TUBGCP6: variants seen among roughly 807,000 people sequenced by gnomAD.
TUBGCP6 encodes gamma-tubulin complex component 6.
A neutral mutation model predicts 175.8 loss-of-function variants in TUBGCP6; 161 were observed. The observed-to-expected ratio is 0.92, with a 90% CI of 0.81 to 1.04. TUBGCP6 has a LOEUF of 1.04. Among genes scored for constraint, TUBGCP6 ranks in the 50% least tolerant of loss-of-function variants. The pLI is 0.00. For missense variants in TUBGCP6, 2,572 were observed against 2,433.0 expected, an observed-to-expected ratio of 1.06 and a Z score of -1.20; for synonymous variants, 1,173 against 1,030.5, an observed-to-expected ratio of 1.14 and a Z score of -2.65.
chr22:50,222,234 G>T (rs534981615), intron 14 of TUBGCP6, 132 bp from the exon 15 acceptor site: 279 of 1,181,590 alleles, frequency 2.4e-4, no homozygotes, highest in Admixed American at 4.4e-4. Context: ...CTGGGCTCCA[G>T]TGGGACGCTG....
At chr22:50,233,289 C>A in intron 3 of TUBGCP6, 27 bp downstream of exon 3, 1 of 1,607,610 alleles carries the variant, frequency 6.2e-7, no homozygotes, top group Non-Finnish European at 8.5e-7. Context: ...CCCCACACCA[C>A]TGTGGCGGGG....
chr22:50,224,104 C>A lies in TUBGCP6; in HGVS notation c.2270+37G>T. 3 of 1,593,776 alleles carry A rather than the reference C, an allele frequency of 1.9e-6. No homozygotes were observed. The African/African-American group carries it at 4.0e-5, about 21-fold the overall frequency. The stretch of plus-strand genomic sequence containing the variant: ...AGCCAGAGCTATGGGGCCCCTGCCG[C>A]ACTGCACCCCTGGGCCTGGAGCCCG... On this transcript the variant is annotated intron_variant, in intron 13 of 24. Coordinates refer to ENST00000248846, the MANE Select transcript of TUBGCP6 (RefSeq NM_020461.4).
At chr22:50,241,244 G>C (rs2064835255) in intron 1 of TUBGCP6, among the ~76,000 whole-genome samples, 1 of 151,888 alleles carries the variant, frequency 6.6e-6, no homozygotes, top group Non-Finnish European at 1.5e-5. Context: ...CAGAAGACAA[G>C]AGTGTGAGCC....
At chr22:50,223,930 AACC>A (rs1185395099) in intron 13 of TUBGCP6, 4 of 580,870 alleles carry the variant, frequency 6.9e-6, no homozygotes, top group Admixed American at 6.0e-5. Context: ...AATCCATACA[AACC>A]ACCACAAGAC....
intron 10 of TUBGCP6, 47 bp downstream of exon 10, chr22:50,225,747 C>A: frequency 1.3e-6 from 2 of 1,574,098 alleles, no homozygotes; most frequent in Non-Finnish European, 1.7e-6. Context: ...CCCCAGGAAG[C>A]AGAGGCAGGG....
intron 1 of TUBGCP6, among the ~76,000 whole-genome samples, 155 bp downstream of exon 1, chr22:50,243,564 G>T (rs1325113270): frequency 7.5e-6 from 1 of 132,642 alleles, no homozygotes; most frequent in Non-Finnish European, 1.5e-5. Flanking sequence ...GTTAAGGTGA[G>T]CCAAGATCGC....
intron 1 of TUBGCP6, among the ~76,000 whole-genome samples, chr22:50,241,197 C>G (rs756920701): frequency 6.6e-6 from 1 of 152,156 alleles, no homozygotes; most frequent in Non-Finnish European, 1.5e-5. Context: ...CCAGGCCATA[C>G]AGAGACAGGA....
At chr22:50,242,058 C>T (rs1352244829) in intron 1 of TUBGCP6, among the ~76,000 whole-genome samples, 1 of 149,204 alleles carries the variant, frequency 6.7e-6, no homozygotes, top group African/African-American at 2.5e-5. Flanking sequence ...TTTGGGAGGC[C>T]GAGGCGGGCA....
chr22:50,225,695 C>T (rs886907144), intron 10 of TUBGCP6, 99 bp downstream of exon 10: 81 of 1,451,870 alleles, frequency 5.6e-5, no homozygotes, highest in Non-Finnish European at 6.3e-5. Context: ...AAGGGAGGCC[C>T]CCATCTTGCA....
intron 5 of TUBGCP6, 127 bp downstream of exon 5, chr22:50,227,780 C>T (rs955982368): frequency 7.5e-5 from 101 of 1,348,058 alleles, no homozygotes; most frequent in Middle Eastern, 2.6e-4. Flanking sequence ...AAGGGCCATC[C>T]GGTCGCCTGC....
chr22:50,217,696 CG>C lies in TUBGCP6; in HGVS notation c.*39del, dbSNP rs556883073. The stretch of plus-strand genomic sequence containing the variant: ...AGGAGAGAGAGCTGCAGACAGGGTC[CG>C]AGAACACCTTTATTGTGCACGTCCC... On this transcript the variant is annotated 3_prime_UTR_variant, in exon 25 of 25. Transcript: ENST00000248846. 57 of 1,586,760 alleles carry C rather than the reference CG, an allele frequency of 3.6e-5. No individual in the cohort carries two copies. In the African/African-American group the frequency reaches 7.1e-4, roughly 20 times the overall value.
chr22:50,229,366 C>T lies in TUBGCP6; in HGVS notation c.1290+38G>A, dbSNP rs115962963. 3.4e-4 allele frequency: 539 copies of T among 1,604,132 alleles called. 2 individuals carry two copies. The African/African-American group carries it at 6.5e-3, about 19-fold the overall frequency. On this transcript the variant is annotated intron_variant, in intron 4 of 24. Coordinates refer to ENST00000248846, the MANE Select transcript of TUBGCP6 (RefSeq NM_020461.4). ...TCTTCCAGGTCGTGTGCACCGTTCT[C>T]ACAAAGGTGTGTGACAACCATGAGG...
rs1186124716 is a variant in TUBGCP6 at position 50,244,809 on chromosome 22, A to G, written c.-350T>C. On this transcript the variant is annotated 5_prime_UTR_variant, in exon 1 of 25. Coordinates refer to ENST00000248846, the MANE Select transcript of TUBGCP6 (RefSeq NM_020461.4). Reference sequence around the variant, plus strand: ...CGCGCCCGCGCAGTACAGCGGACGAACTCGGCTTTGCACCCGTTCTTCGGG... The same window carrying G: ...CGCGCCCGCGCAGTACAGCGGACGAGCTCGGCTTTGCACCCGTTCTTCGGG... The G allele has an allele frequency of 3.1e-5, 8 of 260,862 alleles. No homozygotes were observed. Among genetic ancestry groups the G allele is most frequent in the Non-Finnish European group, 5.9e-5 (8 of 135,166 alleles). 16.2% of individuals were successfully genotyped at this position (260,862 alleles called of 1,614,324 possible).
rs368378157 is a variant in TUBGCP6 at position 50,228,015 on chromosome 22, C to T, written c.1304G>A (p.Gly435Asp). 10 of 1,560,162 alleles carry T rather than the reference C, an allele frequency of 6.4e-6. No homozygotes were observed. In the African/African-American group the frequency reaches 1.1e-4, roughly 17 times the overall value. The stretch of plus-strand genomic sequence containing the variant: ...GTAATACTGCAGGTACCTCCTCAGG[C>T]CACTGGTGAAGGCCTGTGGGCAAAG... ...KGLVFQAFTS[G>D]LRRYLQYYRA... The change falls in exon 5 of 25, where the codon GGC (glycine) becomes GAC (aspartate). Residue 435 changes from glycine to aspartate, a missense_variant. By Grantham distance (94) the Gly-to-Asp change is moderately conservative. Coordinates refer to ENST00000248846, the MANE Select transcript of TUBGCP6 (RefSeq NM_020461.4).
At position 50,227,081 on chromosome 22, in the gene TUBGCP6, G is replaced by C; in HGVS notation, c.1413-4C>G. 2 of 1,609,826 alleles carry C rather than the reference G, an allele frequency of 1.2e-6. No individual in the cohort carries two copies. The highest frequency in any genetic ancestry group is 1.7e-6 in the Non-Finnish European group (2 of 1,178,426). On this transcript the variant is annotated splice_region_variant and splice_polypyrimidine_tract_variant and intron_variant, in intron 5 of 24. Transcript: ENST00000248846. ...GCCACAGAGCTCGGCCAGGTACCTA[G>C]ACCCAGAGGCAGGATGAGACCAGGT...
chr22:50,220,003 C>T lies in TUBGCP6; in HGVS notation c.4121G>A (p.Ser1374Asn). 6.2e-7 allele frequency: 1 copy of T among 1,613,886 alleles called. No individual in the cohort carries two copies. Among genetic ancestry groups the T allele is most frequent in the Non-Finnish European group, 8.5e-7 (1 of 1,179,922 alleles). ...TGGAGAGAGGTCCTCAGTGTCCCCG[C>T]TCCTCCCAGGGCCTGTGTGGACACA... ...SVSEELGPGRSGDTEDLSPNW... is the reference protein window; with the variant it reads ...SVSEELGPGRNGDTEDLSPNW... The change falls in exon 17 of 25, where the codon AGC becomes AAC. Residue 1374 changes from serine (S) to asparagine (N), a missense_variant. Physicochemically the swap from Ser to Asn is conservative, Grantham distance 46. Coordinates refer to ENST00000248846, the MANE Select transcript of TUBGCP6 (RefSeq NM_020461.4).
Position 50,241,571 on chromosome 22 carries a change from T to G in TUBGCP6, c.742-1204A>C, listed in dbSNP as rs181021661. Among the ~76,000 whole-genome samples, 27 of 152,366 alleles carry G rather than the reference T, an allele frequency of 1.8e-4. No individual in the cohort carries two copies. The East Asian group carries it at 4.6e-3, about 26-fold the overall frequency. On this transcript the variant is annotated intron_variant, in intron 1 of 24. Transcript: ENST00000248846. ...CCTAGTCCACTTTCATGTTCCATCCTGTACACCTGGCTCTGCCTTCTAGAT... is the reference window on the plus strand; with the variant it reads ...CCTAGTCCACTTTCATGTTCCATCCGGTACACCTGGCTCTGCCTTCTAGAT...
At position 50,244,159 on chromosome 22, in the gene TUBGCP6, A is replaced by G. The variant is rs1220790946; in HGVS notation, c.301T>C (p.Cys101Arg). The G allele has an allele frequency of 4.3e-6, 7 of 1,613,448 alleles. No homozygotes were observed. In the South Asian group the frequency reaches 7.7e-5, roughly 18 times the overall value. Residue 101 changes from cysteine to arginine, a missense_variant, in exon 1 of 25, where the codon TGC (cysteine) becomes CGC (arginine). Transcript: ENST00000248846. ...GACCCCACCTCCAAAAGCGGACAGC[A>G]AGGGGCTGCTTCCAGCTCCTCCACA... ...ELVEELEAAPCCPLLEVGSVL... is the reference protein window; with the variant it reads ...ELVEELEAAPRCPLLEVGSVL...
rs7290904 is a variant in TUBGCP6 at position 50,240,245 on chromosome 22, G to C, written c.864C>G (p.Thr288=). ...AGCACCTCCGCTTGCTGGCCTCATA[G>C]GTAAGTGCGGCTTCCCACAGGTCCA... ...PDVDLWEAAL[T]YEASKRRCWE... Residue 288 remains threonine, a synonymous_variant, in exon 2 of 25, where the codon ACC becomes ACG. Transcript: ENST00000248846. 1.2e-6 allele frequency: 2 copies of C among 1,614,008 alleles called. No homozygotes were observed. The highest frequency in any genetic ancestry group is 2.2e-5 in the East Asian group (1 of 44,870).
Sources: allele counts gnomAD v4.1 joint callset (sites outside exome capture counted in the v4.1 genomes callset), GRCh38; gene constraint gnomAD v4.1.1; transcripts MANE v1.5; gene names NCBI Gene and HGNC (gene_info 2026-07-23, HGNC 2026-07-21).